Variants in TENM2 observed in about 807,000 individuals in gnomAD.
TENM2 encodes teneurin-2.
A neutral mutation model predicts 245.2 loss-of-function variants in TENM2; 52 were observed. The observed-to-expected ratio is 0.21, with a 90% CI of 0.17 to 0.27. The LOEUF is 0.27. TENM2 is among the 10% of genes least tolerant of loss of function. The pLI is 1.00. For synonymous variants in TENM2, 1,363 were observed against 1,438.9 expected (o/e 0.95, Z 1.19); for missense variants, 3,046 against 3,666.8 (o/e 0.83, Z 4.37).
intron 18 of TENM2, 104 bp from the exon 21 acceptor site, chr5:168,204,268 A>T: frequency 7.9e-7 from 1 of 1,260,530 alleles, no homozygotes; most frequent in Non-Finnish European, 1.1e-6. Context: ...CTCCCCGAGC[A>T]CTGAAGATTC....
the TENM2 span, among the ~76,000 whole-genome samples, chr5:167,036,225 A>G: frequency 2.0e-5 from 3 of 152,308 alleles, no homozygotes; most frequent in Admixed American, 2.0e-4. Flanking sequence ...GAGAAAAGCA[A>G]GTGCCAGGGC....
At chr5:167,650,047 G>C (rs577665147) in intron 2 of TENM2, among the ~76,000 whole-genome samples, 1 of 152,182 alleles carries the variant, frequency 6.6e-6, no homozygotes, top group African/African-American at 2.4e-5. Context: ...TAGACAGCCT[G>C]TACCTCAAAG....
chr5:167,201,218 G>C, the TENM2 span, among the ~76,000 whole-genome samples: 1 of 152,114 alleles, frequency 6.6e-6, no homozygotes, highest in African/African-American at 2.4e-5. Context: ...CTACGTAGCC[G>C]ACAAAGTTAA....
At chr5:167,024,175 A>G in the TENM2 span, among the ~76,000 whole-genome samples, 2 of 152,334 alleles carry the variant, frequency 1.3e-5, no homozygotes, top group South Asian at 4.1e-4. Flanking sequence ...GTGAGTGTTA[A>G]TCGAGTCTCT....
intron 10 of TENM2, among the ~76,000 whole-genome samples, chr5:168,124,111 A>G (rs540193497): frequency 6.6e-6 from 1 of 152,354 alleles, no homozygotes; most frequent in Non-Finnish European, 1.5e-5. Flanking sequence ...GACTCTGGCT[A>G]TCAGCTCATC....
In TENM2 at chr5:167,755,186, T is replaced by A. The variant is rs759026107; in HGVS notation, c.503-120800T>A. ...TCTCCATGGGAAGGTTGTGATGGAG[T>A]CTCTGGGTAAGGATGATGGATGTGC... On this transcript the variant is annotated intron_variant, in intron 2 of 28. Coordinates refer to ENST00000518659, the Ensembl canonical transcript of TENM2. The A allele has an allele frequency of 8.8e-6, 14 of 1,597,992 alleles. No individual in the cohort carries two copies. The South Asian group carries it at 1.4e-4, about 16-fold the overall frequency.
chr5:167,446,791 A>ATG (rs1270668558), intron 2 of TENM2, among the ~76,000 whole-genome samples: 2 of 86,918 alleles, frequency 2.3e-5, no homozygotes, highest in South Asian at 4.9e-4. Flanking sequence ...TTTTTGAAAC[A>ATG]CGCACACACA....
chr5:168,029,912 G>C (rs1786962303), intron 5 of TENM2, among the ~76,000 whole-genome samples: 6 of 152,136 alleles, frequency 3.9e-5, no homozygotes. Context: ...CATTGATGTG[G>C]CTGATAGTTT....
intron 3 of TENM2, among the ~76,000 whole-genome samples, chr5:167,882,657 CAG>C (rs1376470310): frequency 6.6e-6 from 1 of 152,162 alleles, no homozygotes; most frequent in Admixed American, 6.5e-5. Context: ...GAAGTGCAAA[CAG>C]GGGTAATGCC....
intron 2 of TENM2, among the ~76,000 whole-genome samples, chr5:167,651,563 T>G (rs573497318): frequency 6.6e-5 from 10 of 152,158 alleles, no homozygotes; most frequent in Non-Finnish European, 1.2e-4. Flanking sequence ...CCGAGACATA[T>G]GTAGAAGTTG....
chr5:167,281,619 G>T (rs1241546067), upstream of TENM2, among the ~76,000 whole-genome samples: 1 of 152,156 alleles, frequency 6.6e-6, no homozygotes, highest in Non-Finnish European at 1.5e-5. Context: ...CCAAGAAAGA[G>T]AAATTTATCA....
At chr5:167,276,552 A>C in the TENM2 span, among the ~76,000 whole-genome samples, 3 of 152,048 alleles carry the variant, frequency 2.0e-5, no homozygotes, top group African/African-American at 7.2e-5. Context: ...TCAAAGTTAT[A>C]TTGTGTATAG....
chr5:168,226,099 A>G, exon 24 of TENM2: 1 of 1,613,272 alleles, frequency 6.2e-7, no homozygotes, highest in Non-Finnish European at 8.5e-7. Context: ...TATGACCACG[A>G]AGGCCGCCTG....
At chr5:167,328,473 G>T (rs1013697963) in intron 1 of TENM2, among the ~76,000 whole-genome samples, 3 of 152,106 alleles carry the variant, frequency 2.0e-5, no homozygotes, top group African/African-American at 7.2e-5. Context: ...TTACAGGCGT[G>T]AGCCACCACA....
At chr5:167,197,940 G>A in the TENM2 span, among the ~76,000 whole-genome samples, 1 of 151,856 alleles carries the variant, frequency 6.6e-6, no homozygotes, top group Non-Finnish European at 1.5e-5. Flanking sequence ...GGGAGGGAGG[G>A]AGAGAGGATT....
intron 4 of TENM2, among the ~76,000 whole-genome samples, chr5:167,975,381 C>G (rs1782360507): frequency 6.6e-6 from 1 of 151,972 alleles, no homozygotes; most frequent in Non-Finnish European, 1.5e-5. Flanking sequence ...CAGGGTCTGC[C>G]TTAGAGTATA....
chr5:167,846,857 CAT>C (rs1770089459), intron 2 of TENM2, among the ~76,000 whole-genome samples: 1 of 152,204 alleles, frequency 6.6e-6, no homozygotes, highest in South Asian at 2.1e-4. Context: ...ACTGCAGAAT[CAT>C]ATTCCAAAGA....
At chr5:167,736,836 A>G (rs1760836245) in intron 2 of TENM2, among the ~76,000 whole-genome samples, 1 of 152,166 alleles carries the variant, frequency 6.6e-6, no homozygotes, top group Non-Finnish European at 1.5e-5. Flanking sequence ...TGAAAGAGAT[A>G]TTGAAAGGAA....
chr5:167,505,982 G>A (rs560374067), intron 2 of TENM2, among the ~76,000 whole-genome samples: 1 of 152,068 alleles, frequency 6.6e-6, no homozygotes, highest in South Asian at 2.1e-4. Context: ...GGAATCTGAG[G>A]CAAGCCTGGG....
Sources: gnomAD v4.1 joint callset for allele counts (sites outside exome capture counted in the v4.1 genomes callset) on GRCh38, gnomAD v4.1.1 for gene constraint, MANE v1.5 for transcripts, NCBI Gene and HGNC (gene_info 2026-07-23, HGNC 2026-07-21) for gene names.